SLC6A5: variants seen among roughly 807,000 people sequenced by gnomAD.
SLC6A5 encodes the protein sodium- and chloride-dependent glycine transporter 2.
Under a neutral mutation model 90.5 loss-of-function variants are expected in SLC6A5, and 58 were observed. The observed-to-expected ratio is 0.64, with a 90% CI of 0.52 to 0.80. SLC6A5 has a LOEUF of 0.80. Ranked by LOEUF, SLC6A5 falls within the 30% of genes least tolerant of loss-of-function variation. SLC6A5 has a pLI of 0.00. For missense variants in SLC6A5, 1,015 were observed against 1,017.6 expected, an observed-to-expected ratio of 1.00 and a Z score of 0.03; for synonymous variants, 427 against 401.4, an observed-to-expected ratio of 1.06 and a Z score of -0.76.
rs368102813 is a variant in SLC6A5 at position 20,634,099 on chromosome 11, T to A, written c.1625-2208T>A. ...ATTGGCCAGGCTGGTCTTGAACTCC[T>A]CACCTTGTGATCTGCCCACCTTGGC... On this transcript the variant is annotated intron_variant, in intron 10 of 15. Coordinates refer to ENST00000525748, the MANE Select transcript of SLC6A5 (RefSeq NM_004211.5). Among the ~76,000 whole-genome samples the A allele has an allele frequency of 2.6e-5, 4 of 152,204 alleles. No individual in the cohort carries two copies. In the East Asian group the frequency reaches 7.7e-4, roughly 29 times the overall value.
chr11:20,644,435 G>C (rs187492568), intron 13 of SLC6A5, among the ~76,000 whole-genome samples: 26 of 152,302 alleles, frequency 1.7e-4, no homozygotes, highest in Middle Eastern at 3.4e-3. Context: ...AAGGCTGAAT[G>C]GTACGCCGTT....
Position 20,601,143 on chromosome 11 carries a change from C to T in SLC6A5, c.18C>T (p.Pro6=), listed in dbSNP as rs764731779. ...TGTGTTTGCAGGATTGCAGTGCTCC[C>T]AAGGAAATGAATAAACTGCCAGCCA... MDCSA[P]KEMNKLPANS... The change falls in exon 2 of 16, where the codon CCC becomes CCT. Residue 6 remains proline (P), a synonymous_variant. Coordinates refer to ENST00000525748, the MANE Select transcript of SLC6A5 (RefSeq NM_004211.5). The T allele has an allele frequency of 7.5e-6, 12 of 1,591,272 alleles. No homozygotes were observed. The highest frequency in any genetic ancestry group is 9.4e-6 in the Non-Finnish European group (11 of 1,176,448).
chr11:20,635,693 G>A (rs1246045302), intron 10 of SLC6A5, among the ~76,000 whole-genome samples: 3 of 152,108 alleles, frequency 2.0e-5, no homozygotes, highest in Admixed American at 6.5e-5. Context: ...TGTCATTCTG[G>A]TCATGTTCCA....
chr11:20,604,485 G>A, intron 3 of SLC6A5, 61 bp downstream of exon 3: 1 of 1,590,776 alleles, frequency 6.3e-7, no homozygotes, highest in Non-Finnish European at 8.6e-7. Flanking sequence ...AGGGTTGGGT[G>A]GGACAGGAGC....
intron 3 of SLC6A5, 62 bp downstream of exon 3, chr11:20,604,486 G>C (rs1852540214): frequency 1.3e-6 from 2 of 1,588,332 alleles, no homozygotes; most frequent in East Asian, 4.5e-5. Context: ...GGGTTGGGTG[G>C]GACAGGAGCC....
intron 2 of SLC6A5, 69 bp downstream of exon 2, chr11:20,601,734 C>G: frequency 6.6e-7 from 1 of 1,526,470 alleles, no homozygotes; most frequent in Non-Finnish European, 8.9e-7. Context: ...CCAGCCGGGC[C>G]GTGGCGGGTG....
At chr11:20,636,479 G>A (rs745765608) in intron 11 of SLC6A5, 60 bp downstream of exon 11, 3 of 1,072,082 alleles carry the variant, frequency 2.8e-6, no homozygotes, top group Non-Finnish European at 4.4e-6. Context: ...CCCCTCTCCT[G>A]GGTCCTGGGT....
intron 14 of SLC6A5, 128 bp downstream of exon 14, chr11:20,647,062 G>T: frequency 1.3e-6 from 1 of 744,398 alleles, no homozygotes. Context: ...AGGTTGGGTG[G>T]TGGTCTTGTC....
At chr11:20,610,577 G>T (rs1003441562) in intron 5 of SLC6A5, among the ~76,000 whole-genome samples, 1 of 152,188 alleles carries the variant, frequency 6.6e-6, no homozygotes, top group African/African-American at 2.4e-5. Flanking sequence ...TAACTTATGT[G>T]CTTATTTACA....
chr11:20,639,703 G>A (rs974777765), intron 13 of SLC6A5, among the ~76,000 whole-genome samples: 1 of 152,102 alleles, frequency 6.6e-6, no homozygotes, highest in African/African-American at 2.4e-5. Context: ...AAATAAAGGG[G>A]GTGGAGTGGG....
intron 10 of SLC6A5, among the ~76,000 whole-genome samples, chr11:20,634,224 C>T (rs1853161635): frequency 6.6e-6 from 1 of 152,188 alleles, no homozygotes; most frequent in Non-Finnish European, 1.5e-5. Context: ...CTGGGCTCTA[C>T]TGCCTCCCAG....
At chr11:20,613,072 C>G (rs1852722906) in intron 5 of SLC6A5, among the ~76,000 whole-genome samples, 1 of 152,048 alleles carries the variant, frequency 6.6e-6, no homozygotes. Context: ...ATTTATAATC[C>G]CTGCTCCCTA....
At chr11:20,649,319 T>C (rs1410018024) in intron 14 of SLC6A5, among the ~76,000 whole-genome samples, 1 of 152,164 alleles carries the variant, frequency 6.6e-6, no homozygotes, top group African/African-American at 2.4e-5. Context: ...TCCATCATCA[T>C]TGTCAACTGA....
intron 7 of SLC6A5, among the ~76,000 whole-genome samples, chr11:20,622,185 A>T (rs2133792983): frequency 6.6e-6 from 1 of 152,322 alleles, no homozygotes; most frequent in South Asian, 2.1e-4. Flanking sequence ...GACACAGGGG[A>T]ACTAGCTGTG....
intron 5 of SLC6A5, among the ~76,000 whole-genome samples, chr11:20,610,961 A>G (rs540351553): frequency 4.6e-5 from 7 of 152,344 alleles, no homozygotes; most frequent in Admixed American, 1.3e-4. Flanking sequence ...TCTAGACAGA[A>G]GTATTGTTAT....
At chr11:20,644,331 A>G (rs1303682978) in intron 13 of SLC6A5, among the ~76,000 whole-genome samples, 1 of 152,170 alleles carries the variant, frequency 6.6e-6, no homozygotes, top group Non-Finnish European at 1.5e-5. Context: ...GTGAGAACAT[A>G]CAGTGTTTGT....
Position 20,604,424 on chromosome 11 carries a change from G to C in SLC6A5, c.679G>C (p.Gly227Arg). The C allele has an allele frequency of 6.2e-7, 1 of 1,613,604 alleles. No homozygotes were observed. The highest frequency in any genetic ancestry group is 8.5e-7 in the Non-Finnish European group (1 of 1,179,838). Residue 227 changes from glycine to arginine, a missense_variant and splice_region_variant, in exon 3 of 16, where the codon GGT becomes CGT. Gly to Arg is a moderately radical substitution (Grantham distance 125). This residue lies in a region of SLC6A5 where 567 missense variants were observed against 507.3 expected (regional missense o/e 1.12). Coordinates refer to ENST00000525748, the MANE Select transcript of SLC6A5 (RefSeq NM_004211.5). ...CTACCTGGCCTTCCAGAACGGGGGA[G>C]GTATGGCTTTTCCGCTCTTTCCGCC... Reference protein sequence around the residue: ...FPYLAFQNGGGAFLIPYLMML... With the variant: ...FPYLAFQNGGRAFLIPYLMML...
At chr11:20,641,709 C>A (rs1475394587) in intron 13 of SLC6A5, among the ~76,000 whole-genome samples, 1 of 152,128 alleles carries the variant, frequency 6.6e-6, no homozygotes, top group Non-Finnish European at 1.5e-5. Flanking sequence ...GAGGCTTTAG[C>A]TCATTAATAA....
At chr11:20,636,548 A>G (rs373622555) in intron 11 of SLC6A5, 129 bp downstream of exon 11, 98 of 721,298 alleles carry the variant, frequency 1.4e-4, no homozygotes, top group South Asian at 1.5e-4. Flanking sequence ...CGAGAGATCT[A>G]GAGATGCTGA....
Sources: gnomAD v4.1 joint callset for allele counts (sites outside exome capture counted in the v4.1 genomes callset) on GRCh38, gnomAD v4.1.1 for gene constraint, gnomAD v4.1.1 regional missense constraint, MANE v1.5 for transcripts, NCBI Gene and HGNC (gene_info 2026-07-23, HGNC 2026-07-21) for gene names.